The following RGS7 variants were observed in gnomAD, a reference collection of about 807,000 sequenced individuals.
RGS7 encodes regulator of G-protein signaling 7.
Under a neutral mutation model 81.1 loss-of-function variants are expected in RGS7, and 27 were observed. The ratio of observed to expected loss-of-function variants is 0.33; its 90% confidence interval spans 0.25 to 0.46. The LOEUF (loss-of-function observed/expected upper bound fraction) is 0.46. Ranked by LOEUF, RGS7 falls within the 20% of genes least tolerant of loss-of-function variation. The pLI is 1.00. For missense variants in RGS7, 396 were observed against 607.4 expected (o/e 0.65, Z 3.66); for synonymous variants, 208 against 207.7 (o/e 1.00, Z -0.01).
At chr1:241,096,291 TAAG>T (rs775557184) in intron 3 of RGS7, among the ~76,000 whole-genome samples, 1 of 152,110 alleles carries the variant, frequency 6.6e-6, no homozygotes. Flanking sequence ...CCACAGATTA[TAAG>T]AAAAATCTGG....
chr1:241,165,943 A>G (rs915376601), intron 2 of RGS7, among the ~76,000 whole-genome samples: 3 of 152,272 alleles, frequency 2.0e-5, no homozygotes, highest in Non-Finnish European at 4.4e-5. Context: ...TTAGCAACAC[A>G]AATTCGTAGG....
intron 2 of RGS7, among the ~76,000 whole-genome samples, chr1:241,297,228 G>A (rs182941668): frequency 5.3e-5 from 8 of 152,182 alleles, no homozygotes; most frequent in Non-Finnish European, 1.2e-4. Context: ...GGATGCTGGT[G>A]GAATGAATTT....
At chr1:240,957,805 TTTC>T (rs1680699183) in intron 4 of RGS7, among the ~76,000 whole-genome samples, 1 of 152,208 alleles carries the variant, frequency 6.6e-6, no homozygotes, top group African/African-American at 2.4e-5. Context: ...TTTTGTGATT[TTTC>T]TGTAAATCTA....
At chr1:241,088,402 A>G (rs11585672) in intron 3 of RGS7, among the ~76,000 whole-genome samples, 25,358 of 151,832 alleles carry the variant, frequency 0.17, 2,337 homozygotes, top group African/African-American at 0.2. Context: ...GAAACAGAAA[A>G]TGCATGAAGG....
chr1:240,857,807 G>C (rs1391559938), intron 9 of RGS7, among the ~76,000 whole-genome samples: 1 of 152,144 alleles, frequency 6.6e-6, no homozygotes, highest in African/African-American at 2.4e-5. Context: ...CCCATGTGTT[G>C]TGGGAGGGAC....
At chr1:241,336,490 A>C (rs2148677242) in intron 2 of RGS7, among the ~76,000 whole-genome samples, 1 of 152,256 alleles carries the variant, frequency 6.6e-6, no homozygotes, top group South Asian at 2.1e-4. Context: ...TTCTGCAGAA[A>C]CCCTAGGACA....
At chr1:240,793,325 C>T (rs537996950) in intron 18 of RGS7, among the ~76,000 whole-genome samples, 3 of 152,004 alleles carry the variant, frequency 2.0e-5, no homozygotes, top group Non-Finnish European at 2.9e-5. Context: ...GCACACCAAT[C>T]GATTTACATC....
chr1:241,194,994 A>G (rs2072960092), intron 2 of RGS7, among the ~76,000 whole-genome samples: 1 of 152,180 alleles, frequency 6.6e-6, no homozygotes, highest in Non-Finnish European at 1.5e-5. Context: ...AAGCCTTATA[A>G]AGGTTTAAGA....
rs578057990 is a variant in RGS7, at chr1:241,139,484, A to G, written c.79-40722T>C. Among the ~76,000 whole-genome samples the G allele has an allele frequency of 9.8e-5, 15 of 152,358 alleles. 1 individual carries two copies. In the South Asian group the frequency reaches 3.1e-3, roughly 32 times the overall value. ...AATGTGCTATTCTTTGGATAGAAATATGTTTTTATTTCCTTTGGGTAAATA... is the reference window on the plus strand; with the variant it reads ...AATGTGCTATTCTTTGGATAGAAATGTGTTTTTATTTCCTTTGGGTAAATA... On this transcript the variant is annotated intron_variant, in intron 2 of 18. Transcript: ENST00000440928.
intron 9 of RGS7, among the ~76,000 whole-genome samples, chr1:240,840,279 C>CT (rs879372018): frequency 0.018 from 2,667 of 146,246 alleles, 76 homozygotes; most frequent in African/African-American, 0.059. Flanking sequence ...CTTTTCTTTT[C>CT]TTTTTTTTTT....
chr1:240,777,378 G>A (rs925601515), intron 18 of RGS7, among the ~76,000 whole-genome samples: 3 of 152,110 alleles, frequency 2.0e-5, no homozygotes, highest in Non-Finnish European at 2.9e-5. Context: ...ATAAAATTAT[G>A]TGGGCCAGTT....
intron 10 of RGS7, among the ~76,000 whole-genome samples, chr1:240,818,192 A>T (rs1190562371): frequency 1.3e-5 from 2 of 152,172 alleles, no homozygotes; most frequent in Non-Finnish European, 2.9e-5. Flanking sequence ...GTCTTAAACT[A>T]GCCCTTTTAT....
At chr1:241,151,728 C>A (rs1040218224) in intron 2 of RGS7, among the ~76,000 whole-genome samples, 1 of 152,094 alleles carries the variant, frequency 6.6e-6, no homozygotes, top group African/African-American at 2.4e-5. Context: ...AATGAGGTGA[C>A]TCCATTTCCA....
At chr1:241,130,776 T>C (rs1334814121) in intron 2 of RGS7, among the ~76,000 whole-genome samples, 3 of 148,436 alleles carry the variant, frequency 2.0e-5, no homozygotes, top group South Asian at 2.1e-4. Flanking sequence ...CCTCTAAGGA[T>C]TGGATTTGGT....
At chr1:241,087,976 C>A (rs2492997) in intron 3 of RGS7, among the ~76,000 whole-genome samples, 51,676 of 91,164 alleles carry the variant, frequency 0.57, 11,441 homozygotes, top group East Asian at 0.66. Context: ...CTCTCTCTCT[C>A]TATATATATA....
At chr1:241,039,866 C>A (rs1465691947) in intron 3 of RGS7, among the ~76,000 whole-genome samples, 2 of 152,118 alleles carry the variant, frequency 1.3e-5, no homozygotes, top group Non-Finnish European at 2.9e-5. Flanking sequence ...TCAGGAACAC[C>A]CGCTTTGGAA....
rs192541702 is a variant in RGS7 at position 241,346,639 on chromosome 1, A to G, written c.78+9060T>C. Among the ~76,000 whole-genome samples the G allele has an allele frequency of 7.2e-5, 11 of 152,354 alleles. No individual in the cohort carries two copies. The East Asian group carries it at 2.1e-3, about 29-fold the overall frequency. On this transcript the variant is annotated intron_variant, in intron 2 of 18. Coordinates refer to ENST00000440928, the MANE Select transcript of RGS7 (RefSeq NM_001364886.1). ...GGTGTTTCCAGCCTCACAGAGCTCG[A>G]CAGTTCTGCCACTAGTCTTGGGAGG...
chr1:241,242,170 T>G (rs1024880072), intron 2 of RGS7, among the ~76,000 whole-genome samples: 44 of 152,212 alleles, frequency 2.9e-4, no homozygotes, highest in African/African-American at 1.1e-3. Flanking sequence ...CCTTATAGCT[T>G]AGCTCCCACT....
At chr1:241,084,049 C>G (rs536022575) in intron 3 of RGS7, among the ~76,000 whole-genome samples, 29 of 152,254 alleles carry the variant, frequency 1.9e-4, no homozygotes, top group South Asian at 1.9e-3. Context: ...ATATAAGGTT[C>G]CTTAAAAGTT....
Sources: gnomAD v4.1 joint callset for allele counts (sites outside exome capture counted in the v4.1 genomes callset) on GRCh38, gnomAD v4.1.1 for gene constraint, MANE v1.5 for transcripts, NCBI Gene and HGNC (gene_info 2026-07-23, HGNC 2026-07-21) for gene names.